The following KCMF1 variants were observed in gnomAD, a reference collection of about 807,000 sequenced individuals.
The protein encoded by KCMF1 is potassium channel modulatory factor 1.
In KCMF1, 3 loss-of-function variants were observed where a neutral mutation model predicts 41.1. That is an observed-to-expected ratio of 0.07 (90% CI 0.03 to 0.19). KCMF1 has a LOEUF of 0.19. KCMF1 is among the 10% of genes least tolerant of loss of function. KCMF1 has a pLI of 1.00. For missense variants in KCMF1, 286 were observed against 488.9 expected, an observed-to-expected ratio of 0.58 and a Z score of 3.91; for synonymous variants, 142 against 164.5, an observed-to-expected ratio of 0.86 and a Z score of 1.04.
chr2:85,056,282 A>G lies in KCMF1; in HGVS notation c.*2873A>G, dbSNP rs1675927957. The G allele has an allele frequency of 6.6e-6, 1 of 152,164 alleles. No homozygotes were observed. The highest frequency in any genetic ancestry group is 2.1e-4 in the South Asian group (1 of 4,828). 9.4% of individuals were successfully genotyped at this position (152,164 alleles called of 1,614,324 possible). ...ATTAGAAATAATAGACGTAACAAAA[A>G]AAATCCAGCCCATTATCCCCACCCC... is the stretch of plus-strand genomic sequence containing the variant. On this transcript the variant is annotated 3_prime_UTR_variant, in exon 7 of 7. Transcript: ENST00000409785.
In KCMF1 at chr2:85,057,820, G is replaced by A. The variant is rs1675970415; in HGVS notation, c.*4411G>A. 2 of 152,164 alleles carry A rather than the reference G, an allele frequency of 1.3e-5. No individual in the cohort carries two copies. Among genetic ancestry groups the A allele is most frequent in the African/African-American group, 2.4e-5 (1 of 41,434 alleles). The allele number at this position is 152,164 out of a possible 1,614,324, so 9.4% of individuals were successfully genotyped here. A position where few individuals can be genotyped will look rare whatever the true frequency, so the allele number is the denominator to read the frequency against. The stretch of plus-strand genomic sequence containing the variant: ...AACTTGGTTAGCAAATTCAAGTTTT[G>A]AAAGACGATTCGTCTCAGAGAAGTT... On this transcript the variant is annotated 3_prime_UTR_variant, in exon 7 of 7. Transcript: ENST00000409785.
intron 1 of KCMF1, among the ~76,000 whole-genome samples, chr2:85,015,184 A>G (rs1417847323): frequency 6.8e-6 from 1 of 147,268 alleles, no homozygotes; most frequent in African/African-American, 2.5e-5. Context: ...AAAGTCTGTT[A>G]TAGACACACA....
rs549243459 is a variant in KCMF1 at position 84,981,258 on chromosome 2, C to T, written c.16+9791C>T. On this transcript the variant is annotated intron_variant, in intron 1 of 6. Coordinates refer to ENST00000409785, the MANE Select transcript of KCMF1 (RefSeq NM_020122.5). ...AGGCTGGAGCGCAGTGGTGCAATCTCGGCTCACTGCAAGCTCCGCCTCCCG... is the reference window on the plus strand; with the variant it reads ...AGGCTGGAGCGCAGTGGTGCAATCTTGGCTCACTGCAAGCTCCGCCTCCCG... Among the ~76,000 whole-genome samples, 6 of 150,994 alleles carry T rather than the reference C, an allele frequency of 4.0e-5. No homozygotes were observed. The East Asian group carries it at 5.9e-4, about 15-fold the overall frequency.
chr2:84,984,370 C>T (rs1054237807), intron 1 of KCMF1, among the ~76,000 whole-genome samples: 10 of 151,822 alleles, frequency 6.6e-5, no homozygotes, highest in African/African-American at 2.2e-4. Flanking sequence ...CAAAGTGCTA[C>T]GATTACAGAT....
At chr2:85,032,369 TTTTTA>T (rs562152277) in intron 2 of KCMF1, among the ~76,000 whole-genome samples, 262 of 150,110 alleles carry the variant, frequency 1.7e-3, no homozygotes, top group African/African-American at 6.0e-3. Context: ...TTTTATTTTA[TTTTTA>T]TTTTATTTTA....
intron 1 of KCMF1, among the ~76,000 whole-genome samples, chr2:84,983,556 G>A (rs1408750527): frequency 6.6e-6 from 1 of 152,142 alleles, no homozygotes; most frequent in African/African-American, 2.4e-5. Context: ...AGCCCAGGCT[G>A]GAGTAAAATG....
chr2:85,008,409 T>TC (rs1558573734), intron 1 of KCMF1, among the ~76,000 whole-genome samples: 1 of 127,308 alleles, frequency 7.9e-6, no homozygotes, highest in Non-Finnish European at 1.6e-5. Context: ...ATATATCATA[T>TC]TATATATTAT....
chr2:85,008,106 A>AT (rs967025914), intron 1 of KCMF1, among the ~76,000 whole-genome samples: 7 of 151,540 alleles, frequency 4.6e-5, no homozygotes, highest in Admixed American at 1.3e-4. Flanking sequence ...CAAGTTAGCA[A>AT]TTACTGAACC....
intron 5 of KCMF1, among the ~76,000 whole-genome samples, chr2:85,048,341 G>A (rs1574044185): frequency 1.3e-5 from 2 of 152,092 alleles, no homozygotes; most frequent in Admixed American, 1.3e-4. Context: ...AGTAGTTTCT[G>A]GGAGCAAAAT....
Position 85,027,994 on chromosome 2 carries a change from C to T in KCMF1, c.122C>T (p.Ala41Val), listed in dbSNP as rs1223297709. The change falls in exon 2 of 7, where the codon GCA (alanine) becomes GTA (valine). Residue 41 changes from alanine (A) to valine (V), a missense_variant. Ala to Val is a moderately conservative substitution (Grantham distance 64). This residue lies in a region of KCMF1 where 95 missense variants were observed against 209.6 expected (regional missense o/e 0.45). Coordinates refer to ENST00000409785, the MANE Select transcript of KCMF1 (RefSeq NM_020122.5). ...DLCASCYESGATTTRHTTDHP... is the reference protein window; with the variant it reads ...DLCASCYESGVTTTRHTTDHP... ...TGTGCATCTTGTTATGAAAGTGGTG[C>T]AACAACAACAAGGCATACAACTGAC... The T allele has an allele frequency of 6.2e-7, 1 of 1,610,580 alleles. No individual in the cohort carries two copies. Among genetic ancestry groups the T allele is most frequent in the African/African-American group, 1.3e-5 (1 of 74,888 alleles).
At chr2:85,051,742 C>T (rs1484776394) in intron 6 of KCMF1, among the ~76,000 whole-genome samples, 1 of 152,162 alleles carries the variant, frequency 6.6e-6, no homozygotes, top group African/African-American at 2.4e-5. Flanking sequence ...TTATGTTCTT[C>T]CACCCCCAAT....
chr2:85,002,656 A>G (rs899697945), intron 1 of KCMF1, among the ~76,000 whole-genome samples: 2 of 151,500 alleles, frequency 1.3e-5, no homozygotes, highest in Non-Finnish European at 2.9e-5. Flanking sequence ...TGTGGGATCC[A>G]GGATACCAGG....
chr2:84,993,819 G>A (rs919099978), intron 1 of KCMF1, among the ~76,000 whole-genome samples: 3 of 151,904 alleles, frequency 2.0e-5, no homozygotes, highest in South Asian at 2.1e-4. Flanking sequence ...CAAGTGACCC[G>A]CCCACCTTGG....
chr2:85,017,277 C>T (rs536107077), intron 1 of KCMF1, among the ~76,000 whole-genome samples: 10 of 151,424 alleles, frequency 6.6e-5, no homozygotes, highest in Admixed American at 4.6e-4. Context: ...CCACCCGCTT[C>T]GGCCTCCCAA....
Position 85,040,768 on chromosome 2 carries a change from C to CT in KCMF1, c.325-2782dup, listed in dbSNP as rs142252238. Among the ~76,000 whole-genome samples the CT allele has an allele frequency of 3.6e-3, 519 of 142,568 alleles. 1 individual carries two copies. Among genetic ancestry groups the CT allele is most frequent in the East Asian group, 0.011 (53 of 4,922 alleles). The allele number at this position is 142,568 out of a possible 152,430, so 93.5% of individuals were successfully genotyped here. A position where few individuals can be genotyped will look rare whatever the true frequency, so the allele number is the denominator to read the frequency against. ...GCCTCTTGATTTTCTTTTTTCTTTT[C>CT]TTTTTTTTTTTTTTGAGATGGAGTC... On this transcript the variant is annotated intron_variant, in intron 3 of 6. Transcript: ENST00000409785.
At chr2:85,011,120 C>T (rs901489149) in intron 1 of KCMF1, among the ~76,000 whole-genome samples, 3 of 152,096 alleles carry the variant, frequency 2.0e-5, no homozygotes, top group Admixed American at 2.0e-4. Flanking sequence ...GGATTACAGA[C>T]GTGAGCCACC....
chr2:85,000,773 CTTT>C (rs1234800307), intron 1 of KCMF1, among the ~76,000 whole-genome samples: 3 of 118,614 alleles, frequency 2.5e-5, no homozygotes, highest in Non-Finnish European at 3.6e-5. Context: ...GATAATTTTA[CTTT>C]TTTTTTTTTT....
intron 1 of KCMF1, among the ~76,000 whole-genome samples, chr2:84,990,652 TAA>T (rs111732751): frequency 2.1e-5 from 3 of 146,134 alleles, no homozygotes; most frequent in Admixed American, 6.9e-5. Context: ...CTGTTTTAAT[TAA>T]AAAAAAAAAA....
Position 84,998,252 on chromosome 2 carries a change from C to A in KCMF1, c.16+26785C>A, listed in dbSNP as rs893553250. ...GATTACAGGTGCACGCCACCATGCCCGGCTGATTTTTTTTGTATTTTTAGT... is the reference window on the plus strand; with the variant it reads ...GATTACAGGTGCACGCCACCATGCCAGGCTGATTTTTTTTGTATTTTTAGT... On this transcript the variant is annotated intron_variant, in intron 1 of 6. Coordinates refer to ENST00000409785, the MANE Select transcript of KCMF1 (RefSeq NM_020122.5). 2.0e-5 allele frequency among the ~76,000 whole-genome samples: 3 copies of A among 151,674 alleles called. No homozygotes were observed. In the South Asian group the frequency reaches 6.2e-4, roughly 32 times the overall value.
Sources: allele counts gnomAD v4.1 joint callset (sites outside exome capture counted in the v4.1 genomes callset), GRCh38; gene constraint gnomAD v4.1.1; regional missense constraint gnomAD v4.1.1; transcripts MANE v1.5; gene names NCBI Gene and HGNC (gene_info 2026-07-23, HGNC 2026-07-21).